The following YAE1 variants were observed in gnomAD, a reference collection of about 807,000 sequenced individuals.
YAE1 encodes protein YAE1 homolog.
In YAE1, 22 loss-of-function variants were observed where a neutral mutation model predicts 23.0. That is an observed-to-expected ratio of 0.96 (90% CI 0.68 to 1.37). The LOEUF is 1.37. YAE1 is among the 40% of genes most tolerant of loss of function. The pLI is 0.00. For missense variants in YAE1, 260 were observed against 262.1 expected, an observed-to-expected ratio of 0.99 and a Z score of 0.06; for synonymous variants, 101 against 97.0, an observed-to-expected ratio of 1.04 and a Z score of -0.24.
chr7:39,568,050 A>G (rs1790502999), intron 1 of YAE1, among the ~76,000 whole-genome samples: 1 of 152,014 alleles, frequency 6.6e-6, no homozygotes, highest in South Asian at 2.1e-4. Flanking sequence ...AAATATAAAA[A>G]TGTGTGGCGA....
At chr7:39,594,615 T>C (rs1001127000) in intron 2 of YAE1, among the ~76,000 whole-genome samples, 7 of 152,066 alleles carry the variant, frequency 4.6e-5, no homozygotes, top group Admixed American at 3.3e-4. Flanking sequence ...TCATTTTTTT[T>C]TTTTGAGACA....
At chr7:39,592,729 C>T (rs1790918277) in intron 2 of YAE1, among the ~76,000 whole-genome samples, 2 of 151,680 alleles carry the variant, frequency 1.3e-5, no homozygotes, top group African/African-American at 2.4e-5. Flanking sequence ...GTTTATGTGT[C>T]ATTGTTATCC....
At chr7:39,604,138 A>G (rs911419033) in intron 2 of YAE1, among the ~76,000 whole-genome samples, 5 of 152,220 alleles carry the variant, frequency 3.3e-5, no homozygotes, top group Non-Finnish European at 7.3e-5. Context: ...TTCCTCTGAC[A>G]TTTCCAGCTG....
chr7:39,600,757 G>C (rs1259327356), intron 2 of YAE1, among the ~76,000 whole-genome samples: 1 of 152,158 alleles, frequency 6.6e-6, no homozygotes, highest in Non-Finnish European at 1.5e-5. Flanking sequence ...AGAACGCCAC[G>C]TGAAGATGGA....
intron 2 of YAE1, among the ~76,000 whole-genome samples, chr7:39,587,003 C>CTTTCT (rs10675369): frequency 0.37 from 54,694 of 148,984 alleles, 10,416 homozygotes; most frequent in East Asian, 0.46. Flanking sequence ...TGGAAAGAGT[C>CTTTCT]TTTCTTTTCT....
intron 2 of YAE1, among the ~76,000 whole-genome samples, chr7:39,582,773 C>T (rs1040474446): frequency 6.7e-6 from 1 of 148,446 alleles, no homozygotes; most frequent in Admixed American, 6.6e-5. Context: ...CTGACCTCAT[C>T]ACAGGTTGCT....
intron 2 of YAE1, among the ~76,000 whole-genome samples, chr7:39,601,420 G>A (rs754259911): frequency 6.6e-6 from 1 of 152,112 alleles, no homozygotes; most frequent in Non-Finnish European, 1.5e-5. Context: ...GATTATGGCA[G>A]TATTTCCTTT....
chr7:39,583,733 T>G (rs1173630605), intron 2 of YAE1, among the ~76,000 whole-genome samples: 2 of 152,196 alleles, frequency 1.3e-5, no homozygotes. Flanking sequence ...GGTAGTGACA[T>G]CATTGTTTCT....
intron 2 of YAE1, among the ~76,000 whole-genome samples, chr7:39,588,955 T>C (rs1485003196): frequency 1.3e-5 from 2 of 152,072 alleles, no homozygotes; most frequent in Non-Finnish European, 2.9e-5. Flanking sequence ...CCTGAATAGC[T>C]TGGATTACAG....
downstream of YAE1, among the ~76,000 whole-genome samples, chr7:39,575,369 A>G (rs368763326): frequency 4.6e-5 from 7 of 152,318 alleles, no homozygotes; most frequent in East Asian, 5.8e-4. Context: ...GGGCAGCTGA[A>G]TGCATATACC....
exon 3 of YAE1, chr7:39,609,764 G>A (rs779064323): frequency 2.2e-4 from 344 of 1,534,564 alleles, no homozygotes; most frequent in Non-Finnish European, 2.9e-4. Flanking sequence ...TCGAGGCGAC[G>A]CTGCTGAGCC....
At chr7:39,605,398 TC>T (rs1252304492) in intron 2 of YAE1, among the ~76,000 whole-genome samples, 1 of 152,230 alleles carries the variant, frequency 6.6e-6, no homozygotes, top group Non-Finnish European at 1.5e-5. Flanking sequence ...AAGCAAGTTG[TC>T]CTATCTACTA....
At chr7:39,584,786 G>A (rs893141329) in intron 2 of YAE1, among the ~76,000 whole-genome samples, 2 of 152,116 alleles carry the variant, frequency 1.3e-5, no homozygotes, top group African/African-American at 4.8e-5. Flanking sequence ...TGGGAGGCCG[G>A]GTTGGGAGGA....
At chr7:39,569,494 G>T in intron 1 of YAE1, 1 of 498,094 alleles carries the variant, frequency 2.0e-6, no homozygotes. Context: ...TCCGCCTCTT[G>T]TTCTTCCTCC....
At chr7:39,605,828 C>T (rs1286486513) in intron 2 of YAE1, among the ~76,000 whole-genome samples, 2 of 152,062 alleles carry the variant, frequency 1.3e-5, no homozygotes, top group Admixed American at 6.6e-5. Flanking sequence ...ATAGGTAAAT[C>T]GAGTATGTTC....
chr7:39,582,032 ATCC>A (rs1424016368), intron 2 of YAE1, among the ~76,000 whole-genome samples: 1 of 152,086 alleles, frequency 6.6e-6, no homozygotes, highest in African/African-American at 2.4e-5. Context: ...GGCTCAAGCA[ATCC>A]TCCTGCCTCA....
chr7:39,612,080 A>G (rs1417806051), downstream of YAE1, among the ~76,000 whole-genome samples: 1 of 151,836 alleles, frequency 6.6e-6, no homozygotes, highest in Non-Finnish European at 1.5e-5. Flanking sequence ...CAAATAAATT[A>G]CTTAAGTTAT....
chr7:39,596,350 C>T (rs1212937789), intron 2 of YAE1, among the ~76,000 whole-genome samples: 1 of 151,990 alleles, frequency 6.6e-6, no homozygotes, highest in African/African-American at 2.4e-5. Flanking sequence ...CTGCCTCAGC[C>T]TCCCAGCCTC....
At chr7:39,591,267 A>G (rs2115821926) in intron 2 of YAE1, among the ~76,000 whole-genome samples, 1 of 152,336 alleles carries the variant, frequency 6.6e-6, no homozygotes, top group Middle Eastern at 3.4e-3. Context: ...GGGGGGACAC[A>G]ATTCAGTGCA....
Sources: allele counts gnomAD v4.1 joint callset (sites outside exome capture counted in the v4.1 genomes callset), GRCh38; gene constraint gnomAD v4.1.1; transcripts MANE v1.5; gene names NCBI Gene and HGNC (gene_info 2026-07-23, HGNC 2026-07-21).